MOG: variants seen among roughly 807,000 people sequenced by gnomAD.
MOG encodes myelin-oligodendrocyte glycoprotein.
In MOG, 20 loss-of-function variants were observed where a neutral mutation model predicts 35.9. The observed-to-expected ratio is 0.56, with a 90% confidence interval of 0.39 to 0.81. The LOEUF is 0.81. MOG is among the 30% of genes least tolerant of loss of function. The pLI, the probability that MOG is intolerant of heterozygous loss-of-function variation, is 0.00. For synonymous variants in MOG, 92 were observed against 114.3 expected, an observed-to-expected ratio of 0.80 and a Z score of 1.25; for missense variants, 251 against 301.0, an observed-to-expected ratio of 0.83 and a Z score of 1.23.
Position 29,671,260 on chromosome 6 carries a change from T to C in MOG, c.*75T>C, listed in dbSNP as rs1771407392. The C allele has an allele frequency of 6.2e-7, 1 of 1,612,130 alleles. No homozygotes were observed. Among genetic ancestry groups the C allele is most frequent in the Non-Finnish European group, 8.5e-7 (1 of 1,180,024 alleles). On this transcript the variant is annotated 3_prime_UTR_variant, in exon 8 of 8. Transcript: ENST00000376917. ...TTTGTCCTTGGGGACATCTCATCCA[T>C]CAAGTTGCACACTCACTGGCATCTT...
At chr6:29,658,373 G>GA (rs1767636581) in intron 1 of MOG, among the ~76,000 whole-genome samples, 1 of 151,454 alleles carries the variant, frequency 6.6e-6, no homozygotes, top group Non-Finnish European at 1.5e-5. Context: ...CATCCACATA[G>GA]AAAAAAACAA....
chr6:29,659,818 T>C, intron 2 of MOG, 152 bp downstream of exon 2: 1 of 700,986 alleles, frequency 1.4e-6, no homozygotes, highest in Admixed American at 2.2e-5. Context: ...AACTCATGCT[T>C]AGGGATGTCT....
At chr6:29,657,361 G>A (rs1583071142) in intron 1 of MOG, 64 bp downstream of exon 1, 1 of 1,225,798 alleles carries the variant, frequency 8.2e-7, no homozygotes, top group Non-Finnish European at 1.2e-6. Context: ...GTTTCCTGGG[G>A]CTTAGCTCCT....
chr6:29,664,069 T>C (rs932043949), intron 2 of MOG: 11 of 192,302 alleles, frequency 5.7e-5, no homozygotes, highest in African/African-American at 2.4e-5. Flanking sequence ...AGACCTAGAA[T>C]GGGAAATAGA....
chr6:29,658,356 A>G (rs916504004), intron 1 of MOG, among the ~76,000 whole-genome samples: 1 of 152,072 alleles, frequency 6.6e-6, no homozygotes, highest in African/African-American at 2.4e-5. Flanking sequence ...ATCTGACTTG[A>G]GAAACACATC....
At position 29,671,908 on chromosome 6, in the gene MOG, C is replaced by T. The variant is rs1771536475; in HGVS notation, c.*723C>T. 1 of 194,474 alleles carries T rather than the reference C, an allele frequency of 5.1e-6. No individual in the cohort carries two copies. 12.0% of individuals were successfully genotyped at this position (194,474 alleles called of 1,614,324 possible). The stretch of plus-strand genomic sequence containing the variant: ...TCCTCTCATCCTTTTCTCCTATCTT[C>T]ATATCTATCAGAGTATCCACTGTTT... On this transcript the variant is annotated 3_prime_UTR_variant, in exon 8 of 8. Transcript: ENST00000376917.
chr6:29,670,798 C>T lies in MOG; in HGVS notation c.730+77C>T, dbSNP rs1771317009. 4 of 1,593,654 alleles carry T rather than the reference C, an allele frequency of 2.5e-6. No individual in the cohort carries two copies. The highest frequency in any genetic ancestry group is 3.4e-6 in the Non-Finnish European group (4 of 1,169,384). On this transcript the variant is annotated intron_variant, in intron 7 of 7. Coordinates refer to ENST00000376917, the MANE Select transcript of MOG (RefSeq NM_206809.4). This position sits in a 1 kb window ranked among gnomAD's most constrained non-coding sequence, Gnocchi z 4.2. Reference sequence around the variant, plus strand: ...AGACAGAAGCAACAAGAGGAAGAGGCGGGCTATTGAGGGATCACATTCCCA... The same window carrying T: ...AGACAGAAGCAACAAGAGGAAGAGGTGGGCTATTGAGGGATCACATTCCCA...
rs9468578 is a variant in MOG, at chr6:29,662,869, A to G, written c.436+3203A>G. Among the ~76,000 whole-genome samples, 2,839 of 151,856 alleles carry G rather than the reference A, an allele frequency of 0.019. 44 individuals carry two copies. Among genetic ancestry groups the G allele is most frequent in the Admixed American group, 0.034 (525 of 15,228 alleles). ...GTAGAGACTGGGTTTTACCATGTTG[A>G]TCAGGCTGGTCTCAAACTCCTAGGC... On this transcript the variant is annotated intron_variant, in intron 2 of 7. Coordinates refer to ENST00000376917, the MANE Select transcript of MOG (RefSeq NM_206809.4). The surrounding 1 kb of genome is among the most constrained non-coding windows in gnomAD (Gnocchi z 4.2).
chr6:29,661,616 T>C, intron 2 of MOG: 22 of 906,178 alleles, frequency 2.4e-5, no homozygotes, highest in Non-Finnish European at 2.9e-5. Flanking sequence ...AGGTCGGGAG[T>C]TCGAGACTAG....
intron 2 of MOG, among the ~76,000 whole-genome samples, chr6:29,663,457 C>T (rs1769395970): frequency 6.6e-6 from 1 of 152,120 alleles, no homozygotes; most frequent in African/African-American, 2.4e-5. Context: ...TAGCGAGATT[C>T]AAATGAGACC....
At chr6:29,669,417 A>C (rs527251108) in intron 5 of MOG, among the ~76,000 whole-genome samples, 1 of 151,666 alleles carries the variant, frequency 6.6e-6, no homozygotes, top group South Asian at 2.1e-4. Flanking sequence ...CAGCCTCCCA[A>C]GTTGCTGGAA....
At chr6:29,661,832 A>C (rs1430901009) in intron 2 of MOG, 14 of 984,788 alleles carry the variant, frequency 1.4e-5, no homozygotes, top group African/African-American at 5.3e-5. Context: ...AAAAAAAAAA[A>C]AAAAAACAAG....
intron 2 of MOG, chr6:29,661,542 C>G (rs1458857484): frequency 1.0e-6 from 1 of 985,158 alleles, no homozygotes; most frequent in Non-Finnish European, 1.2e-6. Context: ...GAAGACAAGC[C>G]GGTTGCGGTG....
At position 29,670,956 on chromosome 6, in the gene MOG, T is replaced by A; in HGVS notation, c.731-216T>A. The A allele has an allele frequency of 6.2e-7, 1 of 1,612,262 alleles. No individual in the cohort carries two copies. Among genetic ancestry groups the A allele is most frequent in the East Asian group, 2.2e-5 (1 of 44,870 alleles). ...GGAGGCACTCCTATCTGCCACCTGA[T>A]CCATTCCTCCTTCACTGCCCCTAAG... On this transcript the variant is annotated intron_variant, in intron 7 of 7. Coordinates refer to ENST00000376917, the MANE Select transcript of MOG (RefSeq NM_206809.4). This position sits in a 1 kb window ranked among gnomAD's most constrained non-coding sequence, Gnocchi z 4.2.
rs369601807 is a variant in MOG at position 29,662,313 on chromosome 6, G to A, written c.436+2647G>A. On this transcript the variant is annotated intron_variant, in intron 2 of 7. Transcript: ENST00000376917. This position sits in a 1 kb window ranked among gnomAD's most constrained non-coding sequence, Gnocchi z 4.2. ...AGCCTGATCAACATGGAGAAACCCC[G>A]TCTCTACTAAAAAATACAAAATTAG... is the stretch of plus-strand genomic sequence containing the variant. The A allele has an allele frequency of 1.5e-3, 468 of 308,598 alleles. 8 individuals are homozygous for A. Among genetic ancestry groups the A allele is most frequent in the Middle Eastern group, 0.014 (8 of 588 alleles). 19.1% of individuals were successfully genotyped at this position (308,598 alleles called of 1,614,324 possible). A position where few individuals can be genotyped will look rare whatever the true frequency, so the allele number is the denominator to read the frequency against.
chr6:29,669,848 G>A (rs1034131114), intron 5 of MOG, among the ~76,000 whole-genome samples: 6 of 151,962 alleles, frequency 3.9e-5, no homozygotes, highest in African/African-American at 1.5e-4. Context: ...TTGGCTCACT[G>A]CAACCTCCGC....
chr6:29,665,101 CTT>C (rs9280633), intron 2 of MOG, among the ~76,000 whole-genome samples: 1 of 144,562 alleles, frequency 6.9e-6, no homozygotes. Context: ...TTTTCTTTTT[CTT>C]TTTTTTTTTT....
Position 29,670,284 on chromosome 6 carries a change from C to A in MOG, c.596C>A (p.Pro199His). The change falls in exon 6 of 8, where the codon CCC (proline) becomes CAC (histidine). Residue 199 changes from proline to histidine, a missense_variant. Physicochemically the swap from Pro to His is moderately conservative, Grantham distance 77. Transcript: ENST00000376917. The surrounding 1 kb of genome is among the most constrained non-coding windows in gnomAD (Gnocchi z 4.2). ...TTTGTTCTGGTGAACAATTCAGATC[C>A]CCACTTTCTGAGGGTGCCCTGCTGG... ...EIENLHRTFD[P>H]HFLRVPCWKI... 1 of 1,614,084 alleles carries A rather than the reference C, an allele frequency of 6.2e-7. No individual in the cohort carries two copies. The highest frequency in any genetic ancestry group is 8.5e-7 in the Non-Finnish European group (1 of 1,180,022).
intron 5 of MOG, among the ~76,000 whole-genome samples, chr6:29,669,783 T>A (rs1338593231): frequency 1.3e-5 from 2 of 152,164 alleles, no homozygotes; most frequent in African/African-American, 4.8e-5. Context: ...TGGGTGTTGG[T>A]GGGATCAACA....
Sources: gnomAD v4.1 joint callset for allele counts (sites outside exome capture counted in the v4.1 genomes callset) on GRCh38, gnomAD v4.1.1 for gene constraint, Gnocchi (gnomAD v3.1) non-coding constraint, MANE v1.5 for transcripts, NCBI Gene and HGNC (gene_info 2026-07-23, HGNC 2026-07-21) for gene names.